The following LRMDA variants were observed in gnomAD, a reference collection of about 807,000 sequenced individuals.
LRMDA encodes leucine rich melanocyte differentiation associated, also known as leucine-rich melanocyte differentiation-associated protein.
A neutral mutation model predicts 29.8 loss-of-function variants in LRMDA; 18 were observed. That is an observed-to-expected ratio of 0.60 (90% CI 0.42 to 0.90). The LOEUF (loss-of-function observed/expected upper bound fraction) is 0.90, where lower values mean the gene tolerates loss of function less well. Among genes scored for constraint, LRMDA ranks in the 40% least tolerant of loss-of-function variants. LRMDA has a pLI of 0.00. For missense variants in LRMDA, 273 were observed against 273.9 expected (o/e 1.00, Z 0.02); for synonymous variants, 125 against 109.4 (o/e 1.14, Z -0.89).
chr10:75,939,583 A>C (rs1316062147), intron 2 of LRMDA, among the ~76,000 whole-genome samples: 1 of 152,078 alleles, frequency 6.6e-6, no homozygotes, highest in Non-Finnish European at 1.5e-5. Flanking sequence ...ACTGGGTTGC[A>C]TTTTGGACCC....
intron 6 of LRMDA, among the ~76,000 whole-genome samples, chr10:76,330,085 A>G (rs1171643895): frequency 6.6e-6 from 1 of 152,232 alleles, no homozygotes; most frequent in Non-Finnish European, 1.5e-5. Flanking sequence ...AGGGCTCAAA[A>G]GGAAGTTACT....
intron 2 of LRMDA, among the ~76,000 whole-genome samples, chr10:75,985,370 A>G (rs1006765380): frequency 2.0e-5 from 3 of 152,168 alleles, no homozygotes; most frequent in Non-Finnish European, 4.4e-5. Context: ...AGGAGTGGAT[A>G]AGACTCCAGG....
intron 6 of LRMDA, among the ~76,000 whole-genome samples, chr10:76,457,602 T>C (rs1186710152): frequency 1.3e-5 from 2 of 152,204 alleles, no homozygotes; most frequent in Non-Finnish European, 2.9e-5. Flanking sequence ...GGCCATGATG[T>C]GCCCTGTAGA....
At chr10:76,531,349 G>A (rs906352285) in intron 6 of LRMDA, among the ~76,000 whole-genome samples, 1 of 152,174 alleles carries the variant, frequency 6.6e-6, no homozygotes, top group Non-Finnish European at 1.5e-5. Flanking sequence ...ATGGGTGAGA[G>A]TAAATTTCCC....
At chr10:76,030,348 A>G (rs1014914672) in intron 2 of LRMDA, among the ~76,000 whole-genome samples, 15 of 152,250 alleles carry the variant, frequency 9.9e-5, no homozygotes, top group Admixed American at 5.2e-4. Flanking sequence ...AATATACAAC[A>G]TGTATAATAT....
In LRMDA at chr10:75,611,497, C is replaced by T. The variant is rs147595403; in HGVS notation, c.131+173003C>T. On this transcript the variant is annotated intron_variant, in intron 2 of 6. Transcript: ENST00000611255. ...TCTTCTCAAGCCAAAACTCCATACC[C>T]ATTAAATAGCCACTTGCTATTTCCC... Among the ~76,000 whole-genome samples, 590 of 152,308 alleles carry T rather than the reference C, an allele frequency of 3.9e-3. 5 individuals carry two copies. Among genetic ancestry groups the T allele is most frequent in the Middle Eastern group, 0.014 (4 of 294 alleles).
At chr10:75,964,216 T>C (rs1846817786) in intron 2 of LRMDA, among the ~76,000 whole-genome samples, 1 of 152,204 alleles carries the variant, frequency 6.6e-6, no homozygotes, top group Non-Finnish European at 1.5e-5. Flanking sequence ...GTGTTCATTA[T>C]TTATAGCTAT....
intron 2 of LRMDA, among the ~76,000 whole-genome samples, chr10:75,651,112 CCTT>C (rs1291181902): frequency 1.3e-5 from 2 of 152,202 alleles, no homozygotes; most frequent in African/African-American, 4.8e-5. Context: ...CCCGTGTCTT[CCTT>C]CTTTCTTGCC....
At chr10:76,294,002 T>C (rs1422390352) in intron 5 of LRMDA, among the ~76,000 whole-genome samples, 3 of 152,240 alleles carry the variant, frequency 2.0e-5, no homozygotes, top group African/African-American at 7.2e-5. Context: ...TTTTTAATAA[T>C]GCTTTCTTGA....
intron 2 of LRMDA, among the ~76,000 whole-genome samples, chr10:75,491,296 T>C (rs1326567195): frequency 3.3e-5 from 5 of 152,190 alleles, no homozygotes; most frequent in South Asian, 2.1e-4. Context: ...ACTCTCAGAA[T>C]TGAATTTGCC....
At chr10:76,456,201 G>A (rs1315738536) in intron 6 of LRMDA, among the ~76,000 whole-genome samples, 1 of 152,100 alleles carries the variant, frequency 6.6e-6, no homozygotes, top group Non-Finnish European at 1.5e-5. Flanking sequence ...TTTGAGCAAG[G>A]GCCTGGCTTC....
rs184479778 is a variant in LRMDA at position 76,154,320 on chromosome 10, C to T, written c.516+95537C>T. Among the ~76,000 whole-genome samples the T allele has an allele frequency of 3.0e-3, 456 of 152,168 alleles. 1 individual carries two copies. The highest frequency in any genetic ancestry group is 0.01 in the African/African-American group (415 of 41,492). On this transcript the variant is annotated intron_variant, in intron 5 of 6. Coordinates refer to ENST00000611255, the MANE Select transcript of LRMDA (RefSeq NM_001305581.2). ...GGTATTCTGTTTTGTTGTCAGATTA[C>T]GTGTCAGAAGAATATATCCCCATAA...
intron 6 of LRMDA, among the ~76,000 whole-genome samples, chr10:76,528,316 A>G (rs1181158033): frequency 2.6e-5 from 4 of 152,156 alleles, no homozygotes; most frequent in South Asian, 2.1e-4. Context: ...ACAGAACACA[A>G]TGTTATATAG....
At chr10:75,559,411 C>T (rs1473481487) in intron 2 of LRMDA, among the ~76,000 whole-genome samples, 3 of 151,674 alleles carry the variant, frequency 2.0e-5, no homozygotes, top group African/African-American at 7.3e-5. Flanking sequence ...TGTTTGAGTT[C>T]ATTGTAGATT....
intron 2 of LRMDA, among the ~76,000 whole-genome samples, chr10:75,464,081 C>T (rs1020786830): frequency 1.3e-5 from 2 of 152,190 alleles, no homozygotes; most frequent in Non-Finnish European, 2.9e-5. Flanking sequence ...GGATTACAGG[C>T]GTGAGCCACT....
At chr10:75,708,838 A>C (rs978283788) in intron 2 of LRMDA, among the ~76,000 whole-genome samples, 1 of 152,214 alleles carries the variant, frequency 6.6e-6, no homozygotes, top group Non-Finnish European at 1.5e-5. Context: ...AGCTCTCAGC[A>C]TTCTTTATTT....
intron 5 of LRMDA, among the ~76,000 whole-genome samples, chr10:76,182,477 T>C (rs1851067041): frequency 1.3e-5 from 2 of 152,156 alleles, no homozygotes; most frequent in South Asian, 4.1e-4. Flanking sequence ...TGGCACCCAA[T>C]AGGCACCAAT....
intron 2 of LRMDA, among the ~76,000 whole-genome samples, chr10:75,633,127 ACTT>A (rs925218067): frequency 2.2e-4 from 34 of 152,034 alleles, no homozygotes; most frequent in Middle Eastern, 3.4e-3. Flanking sequence ...TTAAGACCAA[ACTT>A]CGCAAAGTGA....
chr10:76,251,519 TG>T (rs1275853386), intron 5 of LRMDA, among the ~76,000 whole-genome samples: 2 of 151,682 alleles, frequency 1.3e-5, no homozygotes, highest in Admixed American at 6.6e-5. Flanking sequence ...CCCAAAGTGC[TG>T]GGATTACAGG....
Sources: gnomAD v4.1 joint callset for allele counts (sites outside exome capture counted in the v4.1 genomes callset) on GRCh38, gnomAD v4.1.1 for gene constraint, MANE v1.5 for transcripts, NCBI Gene and HGNC (gene_info 2026-07-23, HGNC 2026-07-21) for gene names.